TSPAN18: variants seen among roughly 807,000 people sequenced by gnomAD.
The protein encoded by TSPAN18 is tetraspanin 18, also known as tetraspanin-18.
TSPAN18 carries 14 observed loss-of-function variants against 27.3 expected under a neutral mutation model. The ratio of observed to expected loss-of-function variants is 0.51; its 90% confidence interval spans 0.34 to 0.80. The LOEUF (loss-of-function observed/expected upper bound fraction) is 0.80. Ranked by LOEUF, TSPAN18 falls within the 30% of genes least tolerant of loss-of-function variation. The pLI is 0.01. For synonymous variants in TSPAN18, 143 were observed against 136.5 expected (o/e 1.05, Z -0.33); for missense variants, 268 against 323.9 (o/e 0.83, Z 1.32).
At chr11:44,774,790 G>A (rs1855767270) in intron 2 of TSPAN18, among the ~76,000 whole-genome samples, 1 of 152,180 alleles carries the variant, frequency 6.6e-6, no homozygotes, top group Non-Finnish European at 1.5e-5. Flanking sequence ...GATAAGAAAA[G>A]TTGAGCACTT....
rs552463102 is a variant in TSPAN18 at position 44,738,278 on chromosome 11, C to A, written c.-240+10991C>A. 1.6e-3 allele frequency among the ~76,000 whole-genome samples: 238 copies of A among 152,248 alleles called. 2 individuals are homozygous for A. Among genetic ancestry groups the A allele is most frequent in the African/African-American group, 5.6e-3 (231 of 41,554 alleles). ...ACAGCTAATATGTGTTGATTACTTG[C>A]AGGGTGCCAGGCCCTCACAAATCAG... is the stretch of plus-strand genomic sequence containing the variant. On this transcript the variant is annotated intron_variant, in intron 1 of 9. Coordinates refer to ENST00000520358, the MANE Select transcript of TSPAN18 (RefSeq NM_130783.5).
At chr11:44,777,391 T>C (rs1855837122) in intron 2 of TSPAN18, among the ~76,000 whole-genome samples, 1 of 152,178 alleles carries the variant, frequency 6.6e-6, no homozygotes, top group African/African-American at 2.4e-5. Context: ...TCCTGGGTCC[T>C]GCAAGCAACT....
At position 44,746,154 on chromosome 11, in the gene TSPAN18, G is replaced by A. The variant is rs186562783; in HGVS notation, c.-239-18272G>A. Reference sequence around the variant, plus strand: ...GGTCTGGTGGCAAATATGGGCTGGGGATAAGCAGCAGCTGCCCCCCGTGGG... The same window carrying A: ...GGTCTGGTGGCAAATATGGGCTGGGAATAAGCAGCAGCTGCCCCCCGTGGG... On this transcript the variant is annotated intron_variant, in intron 1 of 9. Transcript: ENST00000520358. 2.4e-3 allele frequency among the ~76,000 whole-genome samples: 368 copies of A among 152,342 alleles called. 1 individual carries two copies. Among genetic ancestry groups the A allele is most frequent in the Non-Finnish European group, 3.0e-3 (203 of 68,038 alleles).
intron 2 of TSPAN18, among the ~76,000 whole-genome samples, chr11:44,771,377 T>C (rs1296540671): frequency 6.6e-6 from 1 of 152,180 alleles, no homozygotes; most frequent in Non-Finnish European, 1.5e-5. Flanking sequence ...AAAACACTTA[T>C]CAAGTGTCAA....
At chr11:44,878,877 G>A (rs199724135) in intron 3 of TSPAN18, among the ~76,000 whole-genome samples, 2,047 of 142,784 alleles carry the variant, frequency 0.014, 25 homozygotes, top group Non-Finnish European at 0.024. Context: ...CGGGAACTGA[G>A]AAGGGAGAGC....
At position 44,809,919 on chromosome 11, in the gene TSPAN18, G is replaced by A. The variant is rs575828178; in HGVS notation, c.-153+45407G>A. 2.2e-3 allele frequency among the ~76,000 whole-genome samples: 342 copies of A among 152,190 alleles called. 2 individuals carry two copies. The highest frequency in any genetic ancestry group is 3.8e-3 in the Non-Finnish European group (257 of 68,022). ...TTACTTTCTTATCTAGCACCCACTG[G>A]GTCCTCACACAGCCCTGCAAAGCCC... On this transcript the variant is annotated intron_variant, in intron 2 of 9. Transcript: ENST00000520358.
At chr11:44,754,394 A>G (rs1336619787) in intron 1 of TSPAN18, among the ~76,000 whole-genome samples, 2 of 152,200 alleles carry the variant, frequency 1.3e-5, no homozygotes, top group African/African-American at 2.4e-5. Context: ...ATCCTTGGGC[A>G]TGCGTTCCTG....
chr11:44,751,116 C>T (rs538406708), intron 1 of TSPAN18, among the ~76,000 whole-genome samples: 7 of 152,248 alleles, frequency 4.6e-5, no homozygotes, highest in African/African-American at 1.2e-4. Flanking sequence ...AAGGTGTGTC[C>T]GGCTGTCCCT....
intron 2 of TSPAN18, among the ~76,000 whole-genome samples, chr11:44,767,371 GT>G (rs58784380): frequency 0.08 from 12,114 of 152,248 alleles, 770 homozygotes; most frequent in African/African-American, 0.18. Flanking sequence ...AAGCAGCAAG[GT>G]TAAGGACCCA....
intron 8 of TSPAN18, among the ~76,000 whole-genome samples, chr11:44,924,006 C>T (rs1040092326): frequency 1.3e-5 from 2 of 152,108 alleles, no homozygotes; most frequent in East Asian, 1.9e-4. Context: ...ACAAGGTCCC[C>T]GGCTTCTTGC....
intron 2 of TSPAN18, among the ~76,000 whole-genome samples, chr11:44,783,399 C>CTT (rs575307346): frequency 1.8e-4 from 25 of 142,108 alleles, no homozygotes; most frequent in South Asian, 4.6e-4. Context: ...TCTTTCTTTT[C>CTT]TTTTTTTTTT....
chr11:44,888,554 A>T (rs1412051537), intron 3 of TSPAN18, among the ~76,000 whole-genome samples: 2 of 152,180 alleles, frequency 1.3e-5, no homozygotes, highest in Admixed American at 1.3e-4. Flanking sequence ...AAGGTTCAAC[A>T]GCAGCGAGTC....
chr11:44,790,163 G>GCA (rs1856160095), intron 2 of TSPAN18, among the ~76,000 whole-genome samples: 1 of 151,720 alleles, frequency 6.6e-6, no homozygotes, highest in Non-Finnish European at 1.5e-5. Flanking sequence ...ATGTGTGTGT[G>GCA]TGCATGTGTG....
intron 3 of TSPAN18, among the ~76,000 whole-genome samples, chr11:44,889,427 G>A (rs910867515): frequency 3.3e-5 from 5 of 152,204 alleles, no homozygotes; most frequent in African/African-American, 4.8e-5. Context: ...AAAAGGCCAT[G>A]GCCACCTCAC....
intron 3 of TSPAN18, among the ~76,000 whole-genome samples, chr11:44,900,461 G>T (rs1237529007): frequency 6.6e-6 from 1 of 152,146 alleles, no homozygotes; most frequent in Non-Finnish European, 1.5e-5. Flanking sequence ...CTTCTGTACT[G>T]TGTGACCTTA....
intron 5 of TSPAN18, among the ~76,000 whole-genome samples, chr11:44,916,941 T>G (rs1236188075): frequency 6.6e-6 from 1 of 152,240 alleles, no homozygotes; most frequent in Admixed American, 6.5e-5. Context: ...TTTCTTCTGC[T>G]GACAGCTCTC....
Position 44,906,387 on chromosome 11 carries a change from A to C in TSPAN18, c.-10-20A>C. 1 of 1,613,298 alleles carries C rather than the reference A, an allele frequency of 6.2e-7. No homozygotes were observed. Among genetic ancestry groups the C allele is most frequent in the Non-Finnish European group, 8.5e-7 (1 of 1,179,444 alleles). ...GTGGGGTCCCCCATCGGGAAGACTG[A>C]GGTGGCCTTGTATTTCTAGGTGGAG... On this transcript the variant is annotated intron_variant, in intron 3 of 9. Transcript: ENST00000520358.
chr11:44,761,580 CG>C (rs1229505074), intron 1 of TSPAN18, among the ~76,000 whole-genome samples: 1 of 152,188 alleles, frequency 6.6e-6, no homozygotes, highest in Non-Finnish European at 1.5e-5. Flanking sequence ...CCACCGAAGA[CG>C]GGAGACAGCT....
At chr11:44,888,255 C>T (rs1372388905) in intron 3 of TSPAN18, among the ~76,000 whole-genome samples, 2 of 152,200 alleles carry the variant, frequency 1.3e-5, no homozygotes, top group Non-Finnish European at 2.9e-5. Flanking sequence ...AGACCCTGTT[C>T]TTCTCTCACC....
Sources: allele counts gnomAD v4.1 joint callset (sites outside exome capture counted in the v4.1 genomes callset), GRCh38; gene constraint gnomAD v4.1.1; transcripts MANE v1.5; gene names NCBI Gene and HGNC (gene_info 2026-07-23, HGNC 2026-07-21).